The following DRG1 variants were observed in gnomAD, a reference collection of about 807,000 sequenced individuals.
DRG1 encodes developmentally-regulated GTP-binding protein 1.
Under a neutral mutation model 38.8 loss-of-function variants are expected in DRG1, and 19 were observed. The observed-to-expected ratio is 0.49, with a 90% CI of 0.34 to 0.72. DRG1 has a LOEUF of 0.72. Ranked by LOEUF, DRG1 falls within the 30% of genes least tolerant of loss-of-function variation. The pLI is 0.01. For synonymous variants in DRG1, 167 were observed against 157.5 expected (o/e 1.06, Z -0.45); for missense variants, 299 against 444.8 (o/e 0.67, Z 2.95).
chr22:31,402,914 A>G, intron 2 of DRG1, 115 bp from the exon 3 acceptor site: 1 of 1,217,484 alleles, frequency 8.2e-7, no homozygotes, highest in South Asian at 1.6e-5. Context: ...TAAACCATAA[A>G]AAGTTTGAGA....
At chr22:31,411,715 A>G (rs1437760250) in intron 4 of DRG1, among the ~76,000 whole-genome samples, 1 of 150,380 alleles carries the variant, frequency 6.6e-6, no homozygotes, top group African/African-American at 2.4e-5. Context: ...TTTTTGGTAG[A>G]GACGGAGTTT....
chr22:31,425,615 A>AT (rs915417864), intron 6 of DRG1, among the ~76,000 whole-genome samples: 6 of 151,636 alleles, frequency 4.0e-5, no homozygotes, highest in African/African-American at 7.3e-5. Context: ...TAATTTTTGT[A>AT]TTTTTTGTAG....
chr22:31,402,505 CT>C (rs66506650), intron 2 of DRG1, among the ~76,000 whole-genome samples: 4,683 of 104,630 alleles, frequency 0.045, 68 homozygotes, highest in Non-Finnish European at 0.051. Context: ...TGGGCTGTAC[CT>C]TTTTTTTTTT....
At chr22:31,427,848 C>G (rs571085913) in intron 8 of DRG1, among the ~76,000 whole-genome samples, 1 of 152,084 alleles carries the variant, frequency 6.6e-6, no homozygotes, top group South Asian at 2.1e-4. Context: ...ATTCTCCTGC[C>G]TCAACCTCCT....
intron 3 of DRG1, among the ~76,000 whole-genome samples, chr22:31,407,873 C>T (rs1381342523): frequency 3.3e-5 from 5 of 151,296 alleles, no homozygotes. Flanking sequence ...ATAATCCCAG[C>T]ACTTTGGGAG....
At chr22:31,417,761 C>T (rs1203564071) in intron 4 of DRG1, among the ~76,000 whole-genome samples, 7 of 151,276 alleles carry the variant, frequency 4.6e-5, no homozygotes, top group Non-Finnish European at 8.8e-5. Context: ...GAGGCTGAGG[C>T]GAGCGGATCA....
intron 4 of DRG1, among the ~76,000 whole-genome samples, chr22:31,417,696 T>C (rs1309690644): frequency 6.7e-6 from 1 of 150,324 alleles, no homozygotes; most frequent in Non-Finnish European, 1.5e-5. Context: ...ATAAAATAAA[T>C]AAAATAAAAT....
rs1157907577 is a variant in DRG1, at chr22:31,405,678, T to TG, written c.342+2475dup. 9.9e-4 allele frequency among the ~76,000 whole-genome samples: 148 copies of TG among 149,888 alleles called. 1 individual carries two copies. The highest frequency in any genetic ancestry group is 2.4e-3 in the East Asian group (12 of 5,016). On this transcript the variant is annotated intron_variant, in intron 3 of 8. Transcript: ENST00000331457. The stretch of plus-strand genomic sequence containing the variant: ...TCATACTGTTGGGCATGTGTGTGTG[T>TG]GTGGGGGGGTTTATTTATTTTTTTA...
intron 8 of DRG1, among the ~76,000 whole-genome samples, chr22:31,433,567 G>A (rs2050153896): frequency 6.6e-6 from 1 of 152,086 alleles, no homozygotes; most frequent in African/African-American, 2.4e-5. Context: ...CCCTGCGCCC[G>A]GCCCAGAGTA....
At chr22:31,401,831 A>G (rs1046525301) in intron 2 of DRG1, among the ~76,000 whole-genome samples, 4 of 151,988 alleles carry the variant, frequency 2.6e-5, no homozygotes, top group Admixed American at 6.6e-5. Context: ...AAGTGGGCAG[A>G]TCACAGGTCA....
intron 4 of DRG1, among the ~76,000 whole-genome samples, chr22:31,412,543 G>A (rs1336562876): frequency 6.6e-6 from 1 of 151,386 alleles, no homozygotes; most frequent in Non-Finnish European, 1.5e-5. Context: ...TAAAGATGGG[G>A]TTTCATCGTG....
intron 2 of DRG1, among the ~76,000 whole-genome samples, chr22:31,401,287 C>CAA (rs770447979): frequency 4.3e-5 from 5 of 115,172 alleles, no homozygotes; most frequent in African/African-American, 1.3e-4. Flanking sequence ...GAAGATGTAC[C>CAA]AAAAAAAAAA....
chr22:31,401,981 G>T (rs1404601669), intron 2 of DRG1, among the ~76,000 whole-genome samples: 3 of 151,968 alleles, frequency 2.0e-5, no homozygotes, highest in Non-Finnish European at 4.4e-5. Context: ...AACCTGGGAG[G>T]TGGAAGTTGC....
chr22:31,411,774 C>T (rs574893408), intron 4 of DRG1, among the ~76,000 whole-genome samples: 1 of 151,848 alleles, frequency 6.6e-6, no homozygotes, highest in South Asian at 2.1e-4. Flanking sequence ...GCCTCAGTCT[C>T]CCAGAGTGCT....
intron 4 of DRG1, among the ~76,000 whole-genome samples, chr22:31,417,071 A>AT (rs1324414763): frequency 1.2e-4 from 18 of 150,404 alleles, no homozygotes; most frequent in African/African-American, 2.7e-4. Context: ...CTCAAAAAAA[A>AT]AAATAATAAT....
chr22:31,403,313 C>G (rs757314114), intron 3 of DRG1, 109 bp downstream of exon 3: 20 of 1,148,720 alleles, frequency 1.7e-5, no homozygotes, highest in Admixed American at 1.5e-4. Flanking sequence ...CTACCAGGCA[C>G]TTACTACCTG....
At chr22:31,431,269 C>T (rs1346055224) in intron 8 of DRG1, among the ~76,000 whole-genome samples, 1 of 151,948 alleles carries the variant, frequency 6.6e-6, no homozygotes, top group Non-Finnish European at 1.5e-5. Flanking sequence ...CTCCTGACCT[C>T]GTGATCTGTC....
chr22:31,419,261 C>G (rs1195672350), intron 4 of DRG1, among the ~76,000 whole-genome samples: 1 of 152,004 alleles, frequency 6.6e-6, no homozygotes, highest in Admixed American at 6.6e-5. Flanking sequence ...TATGATCATG[C>G]CACTGCACTC....
At chr22:31,432,254 T>C (rs1238419887) in intron 8 of DRG1, among the ~76,000 whole-genome samples, 1 of 151,878 alleles carries the variant, frequency 6.6e-6, no homozygotes, top group African/African-American at 2.4e-5. Flanking sequence ...TTTTTTCTAT[T>C]TTTCTAGAGC....
Sources: allele counts gnomAD v4.1 joint callset (sites outside exome capture counted in the v4.1 genomes callset), GRCh38; gene constraint gnomAD v4.1.1; transcripts MANE v1.5; gene names NCBI Gene and HGNC (gene_info 2026-07-23, HGNC 2026-07-21).